CASZ1: variants seen among roughly 807,000 people sequenced by gnomAD.
The protein encoded by CASZ1 is castor zinc finger 1, also known as zinc finger protein castor homolog 1.
A neutral mutation model predicts 135.2 loss-of-function variants in CASZ1; 28 were observed. The observed-to-expected ratio is 0.21, with a 90% CI of 0.15 to 0.28. The LOEUF (loss-of-function observed/expected upper bound fraction) is 0.28. Ranked by LOEUF, CASZ1 falls within the 10% of genes least tolerant of loss-of-function variation. CASZ1 has a pLI of 1.00. For missense variants in CASZ1, 2,161 were observed against 2,453.3 expected, an observed-to-expected ratio of 0.88 and a Z score of 2.52; for synonymous variants, 1,068 against 1,073.4, an observed-to-expected ratio of 0.99 and a Z score of 0.10.
At chr1:10,691,578 C>T (rs1273599613) in intron 4 of CASZ1, among the ~76,000 whole-genome samples, 1 of 152,192 alleles carries the variant, frequency 6.6e-6, no homozygotes, top group African/African-American at 2.4e-5. Context: ...CTGAAGCTGC[C>T]CACGCTGCCC....
At chr1:10,765,168 C>G (rs1039988483) in intron 1 of CASZ1, among the ~76,000 whole-genome samples, 1 of 152,070 alleles carries the variant, frequency 6.6e-6, no homozygotes, top group Non-Finnish European at 1.5e-5. Flanking sequence ...TTGATTTTCA[C>G]CTGGGGGAAT....
intron 1 of CASZ1, among the ~76,000 whole-genome samples, chr1:10,790,913 G>A (rs1032354091): frequency 6.6e-6 from 1 of 152,056 alleles, no homozygotes; most frequent in Non-Finnish European, 1.5e-5. Context: ...GGGACATCAT[G>A]AGGAATCTTA....
At chr1:10,690,765 G>A (rs919948803) in intron 4 of CASZ1, among the ~76,000 whole-genome samples, 11 of 152,194 alleles carry the variant, frequency 7.2e-5, no homozygotes, top group African/African-American at 2.4e-4. Flanking sequence ...GCTCCTCCGC[G>A]CCTTGGACAG....
rs1457700973 is a variant in CASZ1, at chr1:10,756,365, A to G, written c.-77+4336T>C. On this transcript the variant is annotated intron_variant, in intron 2 of 20. Coordinates refer to ENST00000377022, the MANE Select transcript of CASZ1 (RefSeq NM_001079843.3). The surrounding 1 kb of genome is among the most constrained non-coding windows in gnomAD (Gnocchi z 5.9). ...CCTTCCTGTCACCTCCATGGAGGTC[A>G]GGTCTCCAGAGTGTTCCTGGAAGGC... Among the ~76,000 whole-genome samples the G allele has an allele frequency of 6.6e-6, 1 of 151,934 alleles. No individual in the cohort carries two copies. Among genetic ancestry groups the G allele is most frequent in the Non-Finnish European group, 1.5e-5 (1 of 67,942 alleles).
At chr1:10,743,721 A>C (rs1332438616) in intron 2 of CASZ1, among the ~76,000 whole-genome samples, 1 of 151,098 alleles carries the variant, frequency 6.6e-6, no homozygotes, top group African/African-American at 2.4e-5. Context: ...ATAGAAATCC[A>C]GTGCCCTGTT....
chr1:10,779,957 G>A (rs1041778393), intron 1 of CASZ1, among the ~76,000 whole-genome samples: 8 of 152,190 alleles, frequency 5.3e-5, no homozygotes, highest in African/African-American at 1.7e-4. Context: ...TGGCCTGGGA[G>A]TGTGTACCTG....
chr1:10,663,333 G>A (rs560737658), intron 5 of CASZ1, among the ~76,000 whole-genome samples: 4 of 152,284 alleles, frequency 2.6e-5, no homozygotes, highest in South Asian at 2.1e-4. Flanking sequence ...CCTGGGACCC[G>A]GCTAGGGGAG....
intron 4 of CASZ1, among the ~76,000 whole-genome samples, chr1:10,690,141 G>A (rs919645897): frequency 1.3e-5 from 2 of 152,344 alleles, no homozygotes; most frequent in South Asian, 2.1e-4. Context: ...TAAACCCGGC[G>A]TGGAATCTCT....
In CASZ1 at chr1:10,673,285, T is replaced by C. The variant is rs567173228; in HGVS notation, c.17-7714A>G. ...TAACATCCAACGTCCTTCTGTCCAA[T>C]GGGCTGGCGGAGAGGATCAATTTCT... is the stretch of plus-strand genomic sequence containing the variant. On this transcript the variant is annotated intron_variant, in intron 4 of 20. Transcript: ENST00000377022. 2.0e-5 allele frequency among the ~76,000 whole-genome samples: 3 copies of C among 152,366 alleles called. No homozygotes were observed. In the South Asian group the frequency reaches 6.2e-4, roughly 32 times the overall value.
At position 10,767,081 on chromosome 1, in the gene CASZ1, G is replaced by A. The variant is rs756157353; in HGVS notation, c.-233-6224C>T. 3.9e-5 allele frequency among the ~76,000 whole-genome samples: 6 copies of A among 152,226 alleles called. No individual in the cohort carries two copies. Among genetic ancestry groups the A allele is most frequent in the Non-Finnish European group, 7.3e-5 (5 of 68,050 alleles). ...CAGAAGGAAAACAGAAATCCTCTGC[G>A]CCCGTTGACTGCTGATGGAAGGAAC... On this transcript the variant is annotated intron_variant, in intron 1 of 20. Transcript: ENST00000377022. This position sits in a 1 kb window ranked among gnomAD's most constrained non-coding sequence, Gnocchi z 4.2.
chr1:10,672,950 G>A (rs1643454945), intron 4 of CASZ1, among the ~76,000 whole-genome samples: 1 of 152,198 alleles, frequency 6.6e-6, no homozygotes, highest in Admixed American at 6.5e-5. Flanking sequence ...GCGTGTGCCT[G>A]TGAGTGTTTG....
In CASZ1 at chr1:10,747,961, C is replaced by A. The variant is rs1453036431; in HGVS notation, c.-77+12740G>T. On this transcript the variant is annotated intron_variant, in intron 2 of 20. Transcript: ENST00000377022. The surrounding 1 kb of genome is among the most constrained non-coding windows in gnomAD (Gnocchi z 4.3). The stretch of plus-strand genomic sequence containing the variant: ...CCTCCTAAGTAGCTGGGACTAGAGG[C>A]ACCCGCCACCACGCCCGGCTAAGTT... 6.6e-6 allele frequency among the ~76,000 whole-genome samples: 1 copy of A among 152,132 alleles called. No individual in the cohort carries two copies. Among genetic ancestry groups the A allele is most frequent in the Non-Finnish European group, 1.5e-5 (1 of 68,038 alleles).
At position 10,767,877 on chromosome 1, in the gene CASZ1, GCATCACCC is replaced by G. The variant is rs144611493; in HGVS notation, c.-233-7028_-233-7021del. ...GCCCATGAGGAGGGCCACGACCCTGGCATCACCCCAGTCCCCCAACGCCCACTCCAACC... is the reference window on the plus strand; with the variant it reads ...GCCCATGAGGAGGGCCACGACCCTGGCAGTCCCCCAACGCCCACTCCAACC... On this transcript the variant is annotated intron_variant, in intron 1 of 20. Coordinates refer to ENST00000377022, the MANE Select transcript of CASZ1 (RefSeq NM_001079843.3). This position sits in a 1 kb window ranked among gnomAD's most constrained non-coding sequence, Gnocchi z 4.2. Among the ~76,000 whole-genome samples, 4,084 of 152,234 alleles carry G rather than the reference GCATCACCC, an allele frequency of 0.027. 67 individuals carry two copies. The highest frequency in any genetic ancestry group is 0.032 in the Non-Finnish European group (2,202 of 68,008).
rs1642431400 is a variant in CASZ1, at chr1:10,648,093, C to A, written c.3205G>T (p.Ala1069Ser). The A allele has an allele frequency of 3.8e-6, 6 of 1,568,046 alleles. No individual in the cohort carries two copies. Among genetic ancestry groups the A allele is most frequent in the Non-Finnish European group, 4.3e-6 (5 of 1,157,902 alleles). Residue 1069 changes from alanine to serine, a missense_variant, in exon 16 of 21, where the codon GCT becomes TCT. Physicochemically the swap from Ala to Ser is moderately conservative, Grantham distance 99. Around this residue, in one of 7 missense-constraint regions of CASZ1, gnomAD observed 349 missense variants for 460.8 expected, o/e 0.76. Coordinates refer to ENST00000377022, the MANE Select transcript of CASZ1 (RefSeq NM_001079843.3). ...EGGAAKGNTE[A>S]AFPASAAETK... ...TCGGCGGCCGAGGCCGGAAAGGCAG[C>A]CTCTGTGTTTCCTTTTGCTGCTCCT...
In CASZ1 at chr1:10,767,610, G is replaced by A. The variant is rs914892525; in HGVS notation, c.-233-6753C>T. 8.6e-5 allele frequency among the ~76,000 whole-genome samples: 13 copies of A among 152,036 alleles called. No individual in the cohort carries two copies. The highest frequency in any genetic ancestry group is 2.7e-4 in the African/African-American group (11 of 41,366). On this transcript the variant is annotated intron_variant, in intron 1 of 20. Transcript: ENST00000377022. This position sits in a 1 kb window ranked among gnomAD's most constrained non-coding sequence, Gnocchi z 4.2. ...TGGTGGCTCAGCCCTTTCTGCCATC[G>A]ACCACCCAAAGTCATTCAGATATTT...
At position 10,666,610 on chromosome 1, in the gene CASZ1, C is replaced by T. The variant is rs896076411; in HGVS notation, c.17-1039G>A. ...CACCTAATCCCCGAATGTGACAGCC[C>T]GACACACACAGCCGGAAGGAAGCCC... On this transcript the variant is annotated intron_variant, in intron 4 of 20. Transcript: ENST00000377022. The surrounding 1 kb of genome is among the most constrained non-coding windows in gnomAD (Gnocchi z 5.2). Among the ~76,000 whole-genome samples, 29 of 152,108 alleles carry T rather than the reference C, an allele frequency of 1.9e-4. No homozygotes were observed. Among genetic ancestry groups the T allele is most frequent in the African/African-American group, 6.0e-4 (25 of 41,416 alleles).
Position 10,756,418 on chromosome 1 carries a change from G to C in CASZ1, c.-77+4283C>G, listed in dbSNP as rs1028270321. Among the ~76,000 whole-genome samples, 1 of 152,206 alleles carries C rather than the reference G, an allele frequency of 6.6e-6. No individual in the cohort carries two copies. Among genetic ancestry groups the C allele is most frequent in the Non-Finnish European group, 1.5e-5 (1 of 68,054 alleles). On this transcript the variant is annotated intron_variant, in intron 2 of 20. Transcript: ENST00000377022. This position sits in a 1 kb window ranked among gnomAD's most constrained non-coding sequence, Gnocchi z 5.9. ...GGCTGGCCCATATGGCTGGGAATAC[G>C]TTGCCAGCAAGGGCAAGTGCTCACG... is the stretch of plus-strand genomic sequence containing the variant.
Position 10,747,206 on chromosome 1 carries a change from A to G in CASZ1, c.-77+13495T>C, listed in dbSNP as rs560141084. 8.5e-5 allele frequency among the ~76,000 whole-genome samples: 13 copies of G among 152,296 alleles called. No individual in the cohort carries two copies. The highest frequency in any genetic ancestry group is 3.4e-3 in the Middle Eastern group (1 of 294). ...CTCTGAGCCTCTGGCCCTTGGAGAC[A>G]TAGGCCACCTGAGACTAAGGGTGGG... On this transcript the variant is annotated intron_variant, in intron 2 of 20. Transcript: ENST00000377022. The surrounding 1 kb of genome is among the most constrained non-coding windows in gnomAD (Gnocchi z 4.3).
intron 1 of CASZ1, among the ~76,000 whole-genome samples, chr1:10,795,913 C>T (rs1429954375): frequency 6.6e-6 from 1 of 152,176 alleles, no homozygotes; most frequent in African/African-American, 2.4e-5. Context: ...AGCACCTACA[C>T]CCGGTATCCG....
Sources: gnomAD v4.1 joint callset for allele counts (sites outside exome capture counted in the v4.1 genomes callset) on GRCh38, gnomAD v4.1.1 for gene constraint, gnomAD v4.1.1 regional missense constraint, Gnocchi (gnomAD v3.1) non-coding constraint, MANE v1.5 for transcripts, NCBI Gene and HGNC (gene_info 2026-07-23, HGNC 2026-07-21) for gene names.